Variants in B3GALT2 observed in about 807,000 individuals in gnomAD.
The protein encoded by B3GALT2 is UDP-Gal:betaGlcNAc beta 1,3-galactosyltransferase, polypeptide 2.
In B3GALT2, 13 loss-of-function variants were observed where a neutral mutation model predicts 33.5. The ratio of observed to expected loss-of-function variants is 0.39; its 90% CI spans 0.25 to 0.62. The LOEUF is 0.62. B3GALT2 is among the 20% of genes least tolerant of loss of function. The pLI is 0.53. For synonymous variants in B3GALT2, 195 were observed against 172.7 expected (o/e 1.13, Z -1.01); for missense variants, 418 against 509.1 (o/e 0.82, Z 1.72).
rs1401026208 is a variant in B3GALT2, at chr1:193,180,453, A to G, written c.1110T>C (p.Ser370=). The change falls in exon 2 of 2, where the codon TCT becomes TCC. Residue 370 remains serine (S), a synonymous_variant. Transcript: ENST00000367434. ...GGTGGCTGTATTTACAGCTCGAATAAGAGACTCGCCAGTGATTGAACACAA... is the reference window on the plus strand; with the variant it reads ...GGTGGCTGTATTTACAGCTCGAATAGGAGACTCGCCAGTGATTGAACACAA... The part of the protein sequence containing the change: ...NEFVFNHWRV[S]YSSCKYSHLI... 1.9e-6 allele frequency: 3 copies of G among 1,613,978 alleles called. No individual in the cohort carries two copies. Among genetic ancestry groups the G allele is most frequent in the East Asian group, 2.2e-5 (1 of 44,894 alleles).
At chr1:193,183,593 A>G (rs1258789373) in intron 1 of B3GALT2, among the ~76,000 whole-genome samples, 1 of 151,304 alleles carries the variant, frequency 6.6e-6, no homozygotes, top group African/African-American at 2.4e-5. Flanking sequence ...TGTACTTTTA[A>G]ATAGCTGGCC....
At chr1:193,184,831 G>A (rs1676777806) in intron 1 of B3GALT2, among the ~76,000 whole-genome samples, 1 of 151,796 alleles carries the variant, frequency 6.6e-6, no homozygotes, top group African/African-American at 2.4e-5. Flanking sequence ...TGGTAAACTT[G>A]TTTAATCTTC....
chr1:193,181,103 T>C lies in B3GALT2; in HGVS notation c.460A>G (p.Ile154Val). 6.2e-7 allele frequency: 1 copy of C among 1,614,078 alleles called. No homozygotes were observed. Among genetic ancestry groups the C allele is most frequent in the Non-Finnish European group, 8.5e-7 (1 of 1,179,950 alleles). The change falls in exon 2 of 2, where the codon ATA (isoleucine) becomes GTA (valine). Residue 154 changes from isoleucine to valine, a missense_variant. Physicochemically the swap from Ile to Val is conservative, Grantham distance 29. Coordinates refer to ENST00000367434, the MANE Select transcript of B3GALT2 (RefSeq NM_003783.3). The stretch of plus-strand genomic sequence containing the variant: ...CCAGGCTCTGCAGCTATTAGTAGTA[T>C]TAAAAAAGGACTTTTCTCTTGGCAT... Reference protein sequence around the residue: ...EKCQEKSPFLILLIAAEPGQI... With the variant: ...EKCQEKSPFLVLLIAAEPGQI...
At chr1:193,184,899 G>T (rs1463252086) in intron 1 of B3GALT2, among the ~76,000 whole-genome samples, 1 of 151,922 alleles carries the variant, frequency 6.6e-6, no homozygotes, top group East Asian at 1.9e-4. Flanking sequence ...GTGATTATTA[G>T]ATAATTACTG....
At chr1:193,182,213 G>T (rs1676728827) in intron 1 of B3GALT2, among the ~76,000 whole-genome samples, 1 of 152,042 alleles carries the variant, frequency 6.6e-6, no homozygotes, top group Non-Finnish European at 1.5e-5. Flanking sequence ...TGTTTCCATT[G>T]GCCCCTACTG....
Position 193,180,356 on chromosome 1 carries a change from T to A in B3GALT2, c.1207A>T (p.Asn403Tyr). 1 of 1,611,460 alleles carries A rather than the reference T, an allele frequency of 6.2e-7. No homozygotes were observed. The highest frequency in any genetic ancestry group is 8.5e-7 in the Non-Finnish European group (1 of 1,178,228). ...YWNHLQQNKH[N>Y]ACANAAKEKA... ...TCTTTTGCTGCGTTGGCACAGGCATTGTGCTTATTTTGTTGTAAATGGTTC... is the reference window on the plus strand; with the variant it reads ...TCTTTTGCTGCGTTGGCACAGGCATAGTGCTTATTTTGTTGTAAATGGTTC... Residue 403 changes from asparagine (N) to tyrosine (Y), a missense_variant, in exon 2 of 2, where the codon AAT (asparagine) becomes TAT (tyrosine). Asn to Tyr is a moderately radical substitution (Grantham distance 143). Coordinates refer to ENST00000367434, the MANE Select transcript of B3GALT2 (RefSeq NM_003783.3).
At position 193,180,492 on chromosome 1, in the gene B3GALT2, G is replaced by A. The variant is rs2103158436; in HGVS notation, c.1071C>T (p.Pro357=). ...CLAKLRIDPV[P]PPNEFVFNHW... ...GATTGAACACAAACTCATTGGGAGG[G>A]GGTACAGGATCAATTCTCAACTTGG... Residue 357 remains proline, a synonymous_variant, in exon 2 of 2, where the codon CCC becomes CCT. Transcript: ENST00000367434. 6.2e-7 allele frequency: 1 copy of A among 1,613,962 alleles called. No individual in the cohort carries two copies. The highest frequency in any genetic ancestry group is 8.5e-7 in the Non-Finnish European group (1 of 1,179,920).
At chr1:193,184,567 C>T (rs1021535116) in intron 1 of B3GALT2, among the ~76,000 whole-genome samples, 1 of 151,866 alleles carries the variant, frequency 6.6e-6, no homozygotes, top group African/African-American at 2.4e-5. Flanking sequence ...AGTACACACT[C>T]AGTTTTTATC....
At position 193,186,507 on chromosome 1, in the gene B3GALT2, C is replaced by G. The variant is rs1028500973; in HGVS notation, c.-609G>C. The G allele has an allele frequency of 6.6e-6, 1 of 152,538 alleles. No individual in the cohort carries two copies. Among genetic ancestry groups the G allele is most frequent in the East Asian group, 1.9e-4 (1 of 5,180 alleles). The allele number at this position is 152,538 out of a possible 1,614,324, so 9.4% of individuals were successfully genotyped here. On this transcript the variant is annotated 5_prime_UTR_variant, in exon 1 of 2. Coordinates refer to ENST00000367434, the MANE Select transcript of B3GALT2 (RefSeq NM_003783.3). ...ATTTACCTCTCTTCTTTCGTTGTTG[C>G]CTGGCAGCTGCAGGAAGGATTTTGA...
chr1:193,184,572 T>C (rs1452784533), intron 1 of B3GALT2, among the ~76,000 whole-genome samples: 1 of 151,948 alleles, frequency 6.6e-6, no homozygotes, highest in Admixed American at 6.6e-5. Context: ...ACACTCAGTT[T>C]TTATCATTTG....
chr1:193,184,733 A>G (rs1676776466), intron 1 of B3GALT2, among the ~76,000 whole-genome samples: 1 of 151,982 alleles, frequency 6.6e-6, no homozygotes, highest in Non-Finnish European at 1.5e-5. Flanking sequence ...TGAAATTTTT[A>G]CAACCATATT....
chr1:193,180,490 G>A lies in B3GALT2; in HGVS notation c.1073C>T (p.Pro358Leu). The A allele has an allele frequency of 6.2e-7, 1 of 1,613,964 alleles. No homozygotes were observed. Among genetic ancestry groups the A allele is most frequent in the Non-Finnish European group, 8.5e-7 (1 of 1,179,920 alleles). Residue 358 changes from proline to leucine, a missense_variant, in exon 2 of 2, where the codon CCT (proline) becomes CTT (leucine). Pro to Leu is a moderately conservative substitution (Grantham distance 98). Coordinates refer to ENST00000367434, the MANE Select transcript of B3GALT2 (RefSeq NM_003783.3). ...LAKLRIDPVPPPNEFVFNHWR... is the reference protein window; with the variant it reads ...LAKLRIDPVPLPNEFVFNHWR... Reference sequence around the variant, plus strand: ...GTGATTGAACACAAACTCATTGGGAGGGGGTACAGGATCAATTCTCAACTT... The same window carrying A: ...GTGATTGAACACAAACTCATTGGGAAGGGGTACAGGATCAATTCTCAACTT...
In B3GALT2 at chr1:193,180,089, T is replaced by C. The variant is rs547531283; in HGVS notation, c.*205A>G. The C allele has an allele frequency of 6.9e-6, 3 of 432,408 alleles. No homozygotes were observed. Among genetic ancestry groups the C allele is most frequent in the African/African-American group, 6.2e-5 (3 of 48,664 alleles). The allele number at this position is 432,408 out of a possible 1,614,324, so 26.8% of individuals were successfully genotyped here. ...CACAGAATCTCCTTATACAGTTTTTTAAATAGATTGTTTTGGGAAACCTTT... is the reference window on the plus strand; with the variant it reads ...CACAGAATCTCCTTATACAGTTTTTCAAATAGATTGTTTTGGGAAACCTTT... On this transcript the variant is annotated 3_prime_UTR_variant, in exon 2 of 2. Transcript: ENST00000367434.
chr1:193,180,971 T>G lies in B3GALT2; in HGVS notation c.592A>C (p.Asn198His), dbSNP rs1345059492. The G allele has an allele frequency of 1.2e-6, 2 of 1,613,520 alleles. No individual in the cohort carries two copies. The highest frequency in any genetic ancestry group is 3.3e-5 in the Admixed American group (2 of 60,026). Residue 198 changes from asparagine to histidine, a missense_variant, in exon 2 of 2, where the codon AAT becomes CAT. By Grantham distance (68) the Asn-to-His change is moderately conservative. Around this residue, in one of 3 missense-constraint regions of B3GALT2, gnomAD observed 226 missense variants for 293.9 expected, o/e 0.77. Coordinates refer to ENST00000367434, the MANE Select transcript of B3GALT2 (RefSeq NM_003783.3). ...IFLLGLSIKL[N>H]GYLQRAILEE... ...AGTATTGCACGTTGAAGGTAGCCAT[T>G]TAGCTTAATACTTAAGCCCAACAAA...
intron 1 of B3GALT2, among the ~76,000 whole-genome samples, chr1:193,184,053 A>G (rs1279111061): frequency 6.6e-6 from 1 of 151,870 alleles, no homozygotes; most frequent in Non-Finnish European, 1.5e-5. Flanking sequence ...ATTATTGCAT[A>G]TTGTAATGTA....
intron 1 of B3GALT2, among the ~76,000 whole-genome samples, chr1:193,184,404 C>G (rs1331641437): frequency 6.6e-6 from 1 of 151,886 alleles, no homozygotes; most frequent in Non-Finnish European, 1.5e-5. Context: ...CAAGAAAGTT[C>G]AGTAGTATGC....
At position 193,180,490 on chromosome 1, in the gene B3GALT2, G is replaced by T; in HGVS notation, c.1073C>A (p.Pro358His). The stretch of plus-strand genomic sequence containing the variant: ...GTGATTGAACACAAACTCATTGGGA[G>T]GGGGTACAGGATCAATTCTCAACTT... Reference protein sequence around the residue: ...LAKLRIDPVPPPNEFVFNHWR... With the variant: ...LAKLRIDPVPHPNEFVFNHWR... The change falls in exon 2 of 2, where the codon CCT becomes CAT. Residue 358 changes from proline to histidine, a missense_variant. Around this residue, in one of 3 missense-constraint regions of B3GALT2, gnomAD observed 226 missense variants for 293.9 expected, o/e 0.77. Coordinates refer to ENST00000367434, the MANE Select transcript of B3GALT2 (RefSeq NM_003783.3). The T allele has an allele frequency of 6.2e-7, 1 of 1,613,964 alleles. No homozygotes were observed. Among genetic ancestry groups the T allele is most frequent in the Non-Finnish European group, 8.5e-7 (1 of 1,179,920 alleles).
intron 1 of B3GALT2, among the ~76,000 whole-genome samples, chr1:193,182,798 CGAG>C (rs1676739765): frequency 6.6e-6 from 1 of 151,806 alleles, no homozygotes; most frequent in Admixed American, 6.6e-5. Context: ...ACCAATATGT[CGAG>C]GGAGTAGAGG....
In B3GALT2 at chr1:193,180,227, T is replaced by C. The variant is rs1676689184; in HGVS notation, c.*67A>G. On this transcript the variant is annotated 3_prime_UTR_variant, in exon 2 of 2. Transcript: ENST00000367434. ...ACTAAAACTTGTCCTACGGATGTAA[T>C]CAGTTCTAACTATACATGCTTTTAG... 3 of 1,360,178 alleles carry C rather than the reference T, an allele frequency of 2.2e-6. No individual in the cohort carries two copies. In the South Asian group the frequency reaches 4.9e-5, roughly 22 times the overall value. The allele number at this position is 1,360,178 out of a possible 1,614,324, so 84.3% of individuals were successfully genotyped here. A position where few individuals can be genotyped will look rare whatever the true frequency, so the allele number is the denominator to read the frequency against.
Sources: allele counts gnomAD v4.1 joint callset (sites outside exome capture counted in the v4.1 genomes callset), GRCh38; gene constraint gnomAD v4.1.1; regional missense constraint gnomAD v4.1.1; transcripts MANE v1.5; gene names NCBI Gene and HGNC (gene_info 2026-07-23, HGNC 2026-07-21).